The following ABLIM1 variants were observed in gnomAD, a reference collection of about 807,000 sequenced individuals.
The protein encoded by ABLIM1 is actin-binding LIM protein 1.
A neutral mutation model predicts 107.0 loss-of-function variants in ABLIM1; 40 were observed. The ratio of observed to expected loss-of-function variants is 0.37; its 90% CI spans 0.29 to 0.49. The LOEUF is 0.49. ABLIM1 is among the 20% of genes least tolerant of loss of function. The pLI is 0.97. For synonymous variants in ABLIM1, 357 were observed against 357.3 expected, an observed-to-expected ratio of 1.00 and a Z score of 0.01; for missense variants, 857 against 1,008.5, an observed-to-expected ratio of 0.85 and a Z score of 2.04.
At chr10:114,601,209 G>T (rs1052787974) in intron 2 of ABLIM1, among the ~76,000 whole-genome samples, 2 of 149,924 alleles carry the variant, frequency 1.3e-5, no homozygotes, top group African/African-American at 4.9e-5. Context: ...TCACTTCAGA[G>T]AAAAAGAAAA....
chr10:114,465,486 T>C, intron 12 of ABLIM1: 1 of 485,470 alleles, frequency 2.1e-6, no homozygotes, highest in Non-Finnish European at 3.2e-6. Flanking sequence ...TATAATTATT[T>C]AATAAATCAA....
chr10:114,755,451 G>A (rs1197841921), intron 1 of ABLIM1, among the ~76,000 whole-genome samples: 1 of 152,156 alleles, frequency 6.6e-6, no homozygotes, highest in African/African-American at 2.4e-5. Context: ...CCAAGTGGAG[G>A]TCCAATATGG....
At chr10:114,549,687 T>C (rs2067809057) in intron 4 of ABLIM1, among the ~76,000 whole-genome samples, 1 of 152,088 alleles carries the variant, frequency 6.6e-6, no homozygotes, top group African/African-American at 2.4e-5. Context: ...ATTTCTCTAA[T>C]AACAAAAACT....
chr10:114,678,522 G>A (rs1205338046), intron 1 of ABLIM1, among the ~76,000 whole-genome samples: 1 of 152,210 alleles, frequency 6.6e-6, no homozygotes, highest in Non-Finnish European at 1.5e-5. Flanking sequence ...GTTTGTAAAT[G>A]AAGTTCTGTT....
chr10:114,458,262 A>C (rs1237938779), intron 12 of ABLIM1, among the ~76,000 whole-genome samples: 1 of 151,824 alleles, frequency 6.6e-6, no homozygotes, highest in Non-Finnish European at 1.5e-5. Flanking sequence ...TTATGTTTCT[A>C]TTTCTATTTC....
At chr10:114,659,633 T>G (rs12572646), upstream of ABLIM1, among the ~76,000 whole-genome samples, 13,209 of 152,258 alleles carry the variant, frequency 0.087, 1,360 homozygotes, top group East Asian at 0.57. Flanking sequence ...CTAGGATACA[T>G]GTGCACAATG....
At chr10:114,724,483 T>C (rs2081916580) in intron 1 of ABLIM1, among the ~76,000 whole-genome samples, 1 of 152,194 alleles carries the variant, frequency 6.6e-6, no homozygotes, top group East Asian at 1.9e-4. Context: ...CAAAGTTGTC[T>C]TTGGCAATGG....
intron 2 of ABLIM1, among the ~76,000 whole-genome samples, chr10:114,598,495 G>A (rs2075674271): frequency 6.6e-6 from 1 of 152,050 alleles, no homozygotes; most frequent in Non-Finnish European, 1.5e-5. Context: ...GGCTGAGGCA[G>A]GAGAATCCCT....
intron 1 of ABLIM1, among the ~76,000 whole-genome samples, chr10:114,696,176 A>G (rs1337429782): frequency 6.6e-6 from 1 of 152,224 alleles, no homozygotes. Context: ...GGCTCCACCC[A>G]GGGAATGCCT....
At chr10:114,567,535 G>A (rs2070935123) in intron 4 of ABLIM1, among the ~76,000 whole-genome samples, 1 of 152,226 alleles carries the variant, frequency 6.6e-6, no homozygotes. Flanking sequence ...GCAAGGTGGA[G>A]GAAGCACTGA....
chr10:114,704,302 C>CTATA (rs369952218), intron 1 of ABLIM1, among the ~76,000 whole-genome samples: 15 of 43,082 alleles, frequency 3.5e-4, no homozygotes, highest in South Asian at 1.3e-3. Context: ...CTCTCTCTCT[C>CTATA]TATATATATA....
At chr10:114,468,963 A>C (rs1487126416) in intron 10 of ABLIM1, among the ~76,000 whole-genome samples, 1 of 150,920 alleles carries the variant, frequency 6.6e-6, no homozygotes, top group East Asian at 2.0e-4. Context: ...GAGGCAGGAG[A>C]ATGGCGTGAA....
chr10:114,646,317 A>G (rs1338300603), intron 1 of ABLIM1, among the ~76,000 whole-genome samples: 1 of 152,256 alleles, frequency 6.6e-6, no homozygotes, highest in Non-Finnish European at 1.5e-5. Context: ...CAAGATGAGC[A>G]TTCAGCCATA....
intron 2 of ABLIM1, among the ~76,000 whole-genome samples, chr10:114,585,153 C>T (rs1256748295): frequency 2.6e-5 from 4 of 152,116 alleles, no homozygotes; most frequent in Non-Finnish European, 2.9e-5. Flanking sequence ...TTAATAGGAA[C>T]GACCTTGCTA....
At chr10:114,494,259 G>A (rs771717346) in intron 6 of ABLIM1, among the ~76,000 whole-genome samples, 35 of 152,354 alleles carry the variant, frequency 2.3e-4, no homozygotes, top group Admixed American at 9.1e-4. Flanking sequence ...CAGTCTGGGC[G>A]TGGTGGCTCA....
At chr10:114,665,735 C>T (rs1305182952) in intron 1 of ABLIM1, among the ~76,000 whole-genome samples, 1 of 152,180 alleles carries the variant, frequency 6.6e-6, no homozygotes, top group Non-Finnish European at 1.5e-5. Context: ...TTTCCAAGTA[C>T]TTAAAACCAC....
rs993446641 is a variant in ABLIM1 at position 114,492,006 on chromosome 10, A to G, written c.895-128T>C. The G allele has an allele frequency of 8.0e-5, 59 of 739,152 alleles. No individual in the cohort carries two copies. In the Middle Eastern group the frequency reaches 1.4e-3, roughly 18 times the overall value. The allele number at this position is 739,152 out of a possible 1,614,324, so 45.8% of individuals were successfully genotyped here. A position where few individuals can be genotyped will look rare whatever the true frequency, so the allele number is the denominator to read the frequency against. On this transcript the variant is annotated intron_variant, in intron 6 of 22. Transcript: ENST00000533213. ...AGGAAAAATAATTGTCTAATTGACCAAACTTCCTACACCAACAGCCCCGGA... is the reference window on the plus strand; with the variant it reads ...AGGAAAAATAATTGTCTAATTGACCGAACTTCCTACACCAACAGCCCCGGA...
At chr10:114,485,161 G>T in intron 8 of ABLIM1, 1 of 554,236 alleles carries the variant, frequency 1.8e-6, no homozygotes, top group Non-Finnish European at 3.0e-6. Flanking sequence ...TGTGAGAGGC[G>T]CTTGTGGTGT....
intron 1 of ABLIM1, among the ~76,000 whole-genome samples, chr10:114,614,180 G>T (rs568176573): frequency 2.0e-5 from 3 of 152,098 alleles, no homozygotes; most frequent in Non-Finnish European, 4.4e-5. Flanking sequence ...GGCCGGGTGC[G>T]GTGGCTTACA....
Sources: allele counts gnomAD v4.1 joint callset (sites outside exome capture counted in the v4.1 genomes callset), GRCh38; gene constraint gnomAD v4.1.1; transcripts MANE v1.5; gene names NCBI Gene and HGNC (gene_info 2026-07-23, HGNC 2026-07-21).